SDC4: variants seen among roughly 807,000 people sequenced by gnomAD.
SDC4 encodes the protein syndecan-4.
A neutral mutation model predicts 20.5 loss-of-function variants in SDC4; 17 were observed. That is an observed-to-expected ratio of 0.83 (90% confidence interval 0.57 to 1.25). SDC4 has a LOEUF of 1.25. Ranked by LOEUF, SDC4 falls within the 50% of genes most tolerant of loss-of-function variation. The pLI is 0.00. For synonymous variants in SDC4, 107 were observed against 105.3 expected (o/e 1.02, Z -0.10); for missense variants, 241 against 252.3 (o/e 0.96, Z 0.30).
Position 45,335,660 on chromosome 20 carries a change from A to G in SDC4, c.199+122T>C, listed in dbSNP as rs560764699. On this transcript the variant is annotated intron_variant, in intron 2 of 4. Coordinates refer to ENST00000372733, the MANE Select transcript of SDC4 (RefSeq NM_002999.4). ...GTTTCCCCTTTTTTTGAGAAGGAAG[A>G]AGGGCACTCTAGGAAAAGTCCCACA... is the stretch of plus-strand genomic sequence containing the variant. 8 of 1,000,042 alleles carry G rather than the reference A, an allele frequency of 8.0e-6. No homozygotes were observed. The South Asian group carries it at 1.1e-4, about 13-fold the overall frequency. The allele number at this position is 1,000,042 out of a possible 1,614,324, so 61.9% of individuals were successfully genotyped here.
chr20:45,339,636 AG>A (rs1987925935), intron 1 of SDC4, among the ~76,000 whole-genome samples: 1 of 152,216 alleles, frequency 6.6e-6, no homozygotes, highest in Non-Finnish European at 1.5e-5. Flanking sequence ...GCTACTCGGG[AG>A]GCTGAAGTGG....
At chr20:45,346,559 G>A (rs556841485) in intron 1 of SDC4, among the ~76,000 whole-genome samples, 15 of 152,168 alleles carry the variant, frequency 9.9e-5, no homozygotes, top group East Asian at 1.9e-4. Context: ...CTGGGCACAC[G>A]GTGACCTCAG....
chr20:45,335,686 A>G lies in SDC4; in HGVS notation c.199+96T>C. On this transcript the variant is annotated intron_variant, in intron 2 of 4. Transcript: ENST00000372733. ...AGGGCACTCTAGGAAAAGTCCCACA[A>G]AAATCCAAGTCTCAAGGCATGGTCA... The G allele has an allele frequency of 2.9e-6, 4 of 1,367,228 alleles. No homozygotes were observed. In the Admixed American group the frequency reaches 6.1e-5, roughly 21 times the overall value. The allele number at this position is 1,367,228 out of a possible 1,614,324, so 84.7% of individuals were successfully genotyped here.
intron 1 of SDC4, among the ~76,000 whole-genome samples, chr20:45,337,928 C>A (rs748238854): frequency 1.3e-5 from 2 of 152,212 alleles, no homozygotes; most frequent in Non-Finnish European, 2.9e-5. Context: ...CTTCATGACT[C>A]GGGAATCAGG....
At chr20:45,343,689 G>T (rs1250346301) in intron 1 of SDC4, among the ~76,000 whole-genome samples, 1 of 152,202 alleles carries the variant, frequency 6.6e-6, no homozygotes, top group Non-Finnish European at 1.5e-5. Flanking sequence ...AGATAAGGGG[G>T]ATAAGGGGGA....
chr20:45,334,119 C>T (rs948269803), intron 2 of SDC4, among the ~76,000 whole-genome samples: 8 of 151,944 alleles, frequency 5.3e-5, no homozygotes, highest in African/African-American at 1.7e-4. Context: ...CTCAGCCCCC[C>T]GAGTAGCTGG....
chr20:45,340,055 C>T (rs1319579653), intron 1 of SDC4, among the ~76,000 whole-genome samples: 1 of 152,208 alleles, frequency 6.6e-6, no homozygotes, highest in African/African-American at 2.4e-5. Context: ...CTTCTCTCCC[C>T]TTCCAGGGTG....
At chr20:45,340,269 G>A (rs776440412) in intron 1 of SDC4, among the ~76,000 whole-genome samples, 8 of 152,176 alleles carry the variant, frequency 5.3e-5, no homozygotes, top group Non-Finnish European at 8.8e-5. Flanking sequence ...CACCATGCTG[G>A]GTACTTTGTT....
At position 45,348,341 on chromosome 20, in the gene SDC4, C is replaced by A. The variant is rs772215096; in HGVS notation, c.44G>T (p.Gly15Val). ...AGCACCCACCGACTCGGCGACTCCG[C>A]CTACGAAGAACAGCAGCAGCGCGAA... is the stretch of plus-strand genomic sequence containing the variant. ...RLFALLLFFV[G>V]GVAESIRETE... Residue 15 changes from glycine to valine, a missense_variant, in exon 1 of 5, where the codon GGC (glycine) becomes GTC (valine). Gly to Val is a moderately radical substitution (Grantham distance 109, BLOSUM62 -3). Transcript: ENST00000372733. The A allele has an allele frequency of 6.3e-7, 1 of 1,591,798 alleles. No homozygotes were observed.
chr20:45,329,144 C>CTGA (rs1336977610), intron 4 of SDC4, among the ~76,000 whole-genome samples: 1 of 152,196 alleles, frequency 6.6e-6, no homozygotes, highest in Non-Finnish European at 1.5e-5. Context: ...CTCCTGGGTG[C>CTGA]TGATTAAAGC....
At position 45,327,205 on chromosome 20, in the gene SDC4, T is replaced by G. The variant is rs1482937728; in HGVS notation, c.*59A>C. ...CCTCACCCTACCCTAATGTCCACCCTTCAAAATCCCCTGGCTTCCCTCCCC... is the reference window on the plus strand; with the variant it reads ...CCTCACCCTACCCTAATGTCCACCCGTCAAAATCCCCTGGCTTCCCTCCCC... On this transcript the variant is annotated 3_prime_UTR_variant, in exon 5 of 5. Transcript: ENST00000372733. 6.2e-7 allele frequency: 1 copy of G among 1,602,956 alleles called. No individual in the cohort carries two copies. The highest frequency in any genetic ancestry group is 8.5e-7 in the Non-Finnish European group (1 of 1,171,866).
chr20:45,337,951 G>A (rs1987898231), intron 1 of SDC4, among the ~76,000 whole-genome samples: 1 of 152,190 alleles, frequency 6.6e-6, no homozygotes, highest in Non-Finnish European at 1.5e-5. Flanking sequence ...CTGCCGGGCT[G>A]CTGGTGCTGG....
chr20:45,328,006 C>T (rs1398488854), intron 4 of SDC4, among the ~76,000 whole-genome samples: 2 of 152,198 alleles, frequency 1.3e-5, no homozygotes, highest in Non-Finnish European at 1.5e-5. Context: ...CGCGGACTCC[C>T]CTGCAACAGT....
chr20:45,339,618 T>C (rs765942797), intron 1 of SDC4, among the ~76,000 whole-genome samples: 1 of 152,208 alleles, frequency 6.6e-6, no homozygotes, highest in Non-Finnish European at 1.5e-5. Context: ...TGCACGCCTG[T>C]GGTCCCAGCT....
In SDC4 at chr20:45,343,672, T is replaced by C. The variant is rs139413337; in HGVS notation, c.60+4653A>G. On this transcript the variant is annotated intron_variant, in intron 1 of 4. Coordinates refer to ENST00000372733, the MANE Select transcript of SDC4 (RefSeq NM_002999.4). ...TTTCTCCCTTCCCACCTCCCAGCTGTGGGGGTAGATAAGGGGGATAAGGGG... is the reference window on the plus strand; with the variant it reads ...TTTCTCCCTTCCCACCTCCCAGCTGCGGGGGTAGATAAGGGGGATAAGGGG... 3.8e-3 allele frequency among the ~76,000 whole-genome samples: 574 copies of C among 152,014 alleles called. 1 individual carries two copies. Among genetic ancestry groups the C allele is most frequent in the African/African-American group, 0.013 (538 of 41,456 alleles).
chr20:45,335,508 G>C (rs890079779), intron 2 of SDC4, among the ~76,000 whole-genome samples: 4 of 143,394 alleles, frequency 2.8e-5, no homozygotes, highest in Admixed American at 7.4e-5. Context: ...CTGCAGAAAA[G>C]AGAAGAGCTT....
At chr20:45,333,189 G>T in intron 2 of SDC4, 120 bp from the exon 3 acceptor site, 1 of 902,590 alleles carries the variant, frequency 1.1e-6, no homozygotes, top group Non-Finnish European at 1.8e-6. Flanking sequence ...TGTCCAGCAA[G>T]CGAGCTTCCC....
intron 3 of SDC4, among the ~76,000 whole-genome samples, chr20:45,331,084 C>G (rs1177548091): frequency 6.6e-6 from 1 of 152,168 alleles, no homozygotes; most frequent in Non-Finnish European, 1.5e-5. Flanking sequence ...ATCCAAGAAC[C>G]CTCTCCCTTG....
At chr20:45,332,184 G>C (rs1987788406) in intron 3 of SDC4, among the ~76,000 whole-genome samples, 1 of 149,770 alleles carries the variant, frequency 6.7e-6, no homozygotes, top group Non-Finnish European at 1.5e-5. Flanking sequence ...TTTTGAGAGG[G>C]AGTCTCTGTC....
Sources: allele counts gnomAD v4.1 joint callset (sites outside exome capture counted in the v4.1 genomes callset), GRCh38; gene constraint gnomAD v4.1.1; transcripts MANE v1.5; gene names NCBI Gene and HGNC (gene_info 2026-07-23, HGNC 2026-07-21).